SLC35F3: variants seen among roughly 807,000 people sequenced by gnomAD.
The protein encoded by SLC35F3 is putative thiamine transporter SLC35F3.
In SLC35F3, 25 loss-of-function variants were observed where a neutral mutation model predicts 49.9. That is an observed-to-expected ratio of 0.50 (90% CI 0.37 to 0.70). The LOEUF (loss-of-function observed/expected upper bound fraction) is 0.70. SLC35F3 is among the 30% of genes least tolerant of loss of function. SLC35F3 has a pLI of 0.00. For missense variants in SLC35F3, 525 were observed against 639.8 expected, an observed-to-expected ratio of 0.82 and a Z score of 1.94; for synonymous variants, 275 against 265.4, an observed-to-expected ratio of 1.04 and a Z score of -0.35.
intron 2 of SLC35F3, among the ~76,000 whole-genome samples, chr1:234,137,053 C>G (rs905838567): frequency 6.6e-6 from 1 of 152,216 alleles, no homozygotes; most frequent in Non-Finnish European, 1.5e-5. Flanking sequence ...AGACATGGCT[C>G]CAGCTTTAGG....
At chr1:234,318,227 C>T (rs910880327) in intron 5 of SLC35F3, among the ~76,000 whole-genome samples, 5 of 152,194 alleles carry the variant, frequency 3.3e-5, no homozygotes, top group South Asian at 4.1e-4. Context: ...AAAAAAAGAA[C>T]AGGTGCAAGA....
At chr1:234,272,724 C>T (rs1668127581) in intron 3 of SLC35F3, among the ~76,000 whole-genome samples, 2 of 152,150 alleles carry the variant, frequency 1.3e-5, no homozygotes, top group Non-Finnish European at 1.5e-5. Flanking sequence ...CATTCTTTTT[C>T]CTTTCCATGA....
intron 3 of SLC35F3, among the ~76,000 whole-genome samples, chr1:234,233,612 T>A (rs1271807652): frequency 6.6e-6 from 1 of 152,104 alleles, no homozygotes. Context: ...TAGGAAAAAA[T>A]GGAAGGTCAT....
intron 3 of SLC35F3, among the ~76,000 whole-genome samples, chr1:234,255,658 C>A (rs1258322173): frequency 3.3e-5 from 5 of 152,100 alleles, no homozygotes; most frequent in African/African-American, 9.7e-5. Flanking sequence ...GTGAAAGAAG[C>A]CAGTCTGAAA....
At chr1:233,905,425 G>T (rs887294854) in intron 1 of SLC35F3, 104 bp from the exon 2 acceptor site, 1 of 911,920 alleles carries the variant, frequency 1.1e-6, no homozygotes, top group Admixed American at 2.7e-5. Flanking sequence ...GAGGGCCCCG[G>T]CCGCGCTCTT....
intron 3 of SLC35F3, among the ~76,000 whole-genome samples, chr1:234,279,459 G>A (rs1452983063): frequency 6.6e-6 from 1 of 152,146 alleles, no homozygotes; most frequent in South Asian, 2.1e-4. Context: ...AGACAGAGGG[G>A]AGACGAACAT....
chr1:234,146,589 A>G (rs567879191), intron 2 of SLC35F3, among the ~76,000 whole-genome samples: 31 of 141,280 alleles, frequency 2.2e-4, no homozygotes, highest in African/African-American at 7.6e-4. Context: ...CCTCCCACTC[A>G]CTGCAACCTC....
intron 3 of SLC35F3, among the ~76,000 whole-genome samples, chr1:234,240,265 T>C (rs1667533056): frequency 6.6e-6 from 1 of 151,588 alleles, no homozygotes; most frequent in South Asian, 2.1e-4. Context: ...AGCCCAGGAG[T>C]TCGAGACCAG....
At chr1:234,258,272 A>T (rs1314054788) in intron 3 of SLC35F3, among the ~76,000 whole-genome samples, 2 of 152,204 alleles carry the variant, frequency 1.3e-5, no homozygotes, top group East Asian at 3.8e-4. Flanking sequence ...CCTGGGCGGG[A>T]GTTCACAGGA....
intron 3 of SLC35F3, among the ~76,000 whole-genome samples, chr1:234,258,539 T>G (rs1254705014): frequency 6.6e-6 from 1 of 152,226 alleles, no homozygotes; most frequent in African/African-American, 2.4e-5. Flanking sequence ...ATTCTAATCT[T>G]GTGACCTTTC....
chr1:234,108,198 G>GAT (rs1665313428), intron 2 of SLC35F3, among the ~76,000 whole-genome samples: 1 of 96,480 alleles, frequency 1.0e-5, no homozygotes, highest in South Asian at 2.8e-4. Flanking sequence ...ATATATAAAA[G>GAT]ATATATATAT....
chr1:233,923,942 A>G (rs187767194), intron 2 of SLC35F3, among the ~76,000 whole-genome samples: 15 of 152,300 alleles, frequency 9.8e-5, no homozygotes, highest in Admixed American at 9.1e-4. Context: ...GTGATGGATT[A>G]CGTTTGTTGA....
chr1:234,214,653 C>A lies in SLC35F3; in HGVS notation c.284-16764C>A. 6.8e-7 allele frequency: 1 copy of A among 1,461,558 alleles called. No individual in the cohort carries two copies. Among genetic ancestry groups the A allele is most frequent in the Admixed American group, 2.5e-5 (1 of 39,996 alleles). The allele number at this position is 1,461,558 out of a possible 1,614,324, so 90.5% of individuals were successfully genotyped here. A position where few individuals can be genotyped will look rare whatever the true frequency, so the allele number is the denominator to read the frequency against. On this transcript the variant is annotated intron_variant, in intron 2 of 7. Coordinates refer to ENST00000366618, the MANE Select transcript of SLC35F3 (RefSeq NM_173508.4). This position sits in a 1 kb window ranked among gnomAD's most constrained non-coding sequence, Gnocchi z 8.0. Reference sequence around the variant, plus strand: ...TGCCACCCTGAGGGGGGCTGTCTGGCTGCGGGGCGCCGGGGCTGGGGGTAC... The same window carrying A: ...TGCCACCCTGAGGGGGGCTGTCTGGATGCGGGGCGCCGGGGCTGGGGGTAC...
chr1:234,144,314 G>C (rs1052908524), intron 2 of SLC35F3, among the ~76,000 whole-genome samples: 4 of 152,158 alleles, frequency 2.6e-5, no homozygotes, highest in African/African-American at 9.7e-5. Flanking sequence ...TCCAAGGGCA[G>C]GTGCAGGATG....
At chr1:234,267,571 G>T (rs1232895237) in intron 3 of SLC35F3, among the ~76,000 whole-genome samples, 3 of 150,042 alleles carry the variant, frequency 2.0e-5, no homozygotes, top group African/African-American at 7.5e-5. Context: ...TCACTTCCCA[G>T]TAGGGGCGGC....
chr1:233,936,663 C>A (rs1662338496), intron 2 of SLC35F3, among the ~76,000 whole-genome samples: 1 of 151,846 alleles, frequency 6.6e-6, no homozygotes, highest in Non-Finnish European at 1.5e-5. Flanking sequence ...CTCCTTTCTT[C>A]CCCTTCTTCT....
At chr1:234,281,087 C>CA (rs552418503) in intron 3 of SLC35F3, among the ~76,000 whole-genome samples, 131 of 151,544 alleles carry the variant, frequency 8.6e-4, no homozygotes, top group African/African-American at 3.2e-3. Flanking sequence ...TGTGTCCCCC[C>CA]CCCATGCTCA....
chr1:234,004,028 A>G (rs1318174496), intron 2 of SLC35F3, among the ~76,000 whole-genome samples: 1 of 152,196 alleles, frequency 6.6e-6, no homozygotes, highest in Non-Finnish European at 1.5e-5. Flanking sequence ...GCCACTAGGA[A>G]GGGCAATTTG....
At position 234,120,518 on chromosome 1, in the gene SLC35F3, G is replaced by A. The variant is rs143176828; in HGVS notation, c.284-110899G>A. On this transcript the variant is annotated intron_variant, in intron 2 of 7. Coordinates refer to ENST00000366618, the MANE Select transcript of SLC35F3 (RefSeq NM_173508.4). ...GCACTCTTTCCCCTTTGATTGCCCA[G>A]TATGGCCAAGCATTCAAGTTCAAGG... Among the ~76,000 whole-genome samples, 617 of 152,334 alleles carry A rather than the reference G, an allele frequency of 4.1e-3. 7 individuals carry two copies. Among genetic ancestry groups the A allele is most frequent in the African/African-American group, 0.014 (580 of 41,574 alleles).
Sources: gnomAD v4.1 joint callset for allele counts (sites outside exome capture counted in the v4.1 genomes callset) on GRCh38, gnomAD v4.1.1 for gene constraint, Gnocchi (gnomAD v3.1) non-coding constraint, MANE v1.5 for transcripts, NCBI Gene and HGNC (gene_info 2026-07-23, HGNC 2026-07-21) for gene names.